RBFOX1: variants seen among roughly 807,000 people sequenced by gnomAD.
RBFOX1 encodes the protein RNA binding fox-1 homolog 1.
RBFOX1 carries 8 observed loss-of-function variants against 57.7 expected under a neutral mutation model. That is an observed-to-expected ratio of 0.14 (90% CI 0.08 to 0.25). RBFOX1 has a LOEUF of 0.25. RBFOX1 is among the 10% of genes least tolerant of loss of function. RBFOX1 has a pLI of 1.00. For synonymous variants in RBFOX1, 326 were observed against 222.4 expected (o/e 1.47, Z -4.15); for missense variants, 611 against 548.5 (o/e 1.11, Z -1.14).
chr16:6,681,592 G>T (rs966548696), intron 3 of RBFOX1, among the ~76,000 whole-genome samples: 1 of 150,482 alleles, frequency 6.6e-6, no homozygotes, highest in Non-Finnish European at 1.5e-5. Flanking sequence ...AATTTGGCCC[G>T]TTAGTTAAAG....
At chr16:6,852,987 TATGG>T (rs2094151246) in intron 3 of RBFOX1, among the ~76,000 whole-genome samples, 1 of 152,174 alleles carries the variant, frequency 6.6e-6, no homozygotes, top group African/African-American at 2.4e-5. Flanking sequence ...CCCAGCACCC[TATGG>T]ATGGACAATC....
chr16:6,484,039 G>A, intron 2 of RBFOX1: 2 of 669,592 alleles, frequency 3.0e-6, no homozygotes, highest in Non-Finnish European at 3.7e-6. Flanking sequence ...AGGGATTGGG[G>A]AGCCCGGAGA....
At chr16:5,310,400 C>CAA (rs200809503) in intron 1 of RBFOX1, among the ~76,000 whole-genome samples, 2 of 143,374 alleles carry the variant, frequency 1.4e-5, no homozygotes, top group African/African-American at 2.5e-5. Flanking sequence ...GACTCTGTCT[C>CAA]AAAAAAAAAA....
chr16:6,079,417 T>C (rs1402660233), intron 1 of RBFOX1, among the ~76,000 whole-genome samples: 2 of 152,226 alleles, frequency 1.3e-5, no homozygotes, highest in Non-Finnish European at 2.9e-5. Flanking sequence ...CCTCAAGTGA[T>C]CTTCCTACTT....
At chr16:6,314,663 G>A (rs1599540614) in intron 1 of RBFOX1, among the ~76,000 whole-genome samples, 2 of 105,358 alleles carry the variant, frequency 1.9e-5, no homozygotes, top group South Asian at 3.6e-4. Flanking sequence ...ACAGGAAAGA[G>A]GGGGTAGGAG....
chr16:6,933,275 C>G (rs2076849116), intron 3 of RBFOX1, among the ~76,000 whole-genome samples: 2 of 152,196 alleles, frequency 1.3e-5, no homozygotes, highest in Admixed American at 6.5e-5. Context: ...ATTGATGAAT[C>G]ATAGAGTAAT....
chr16:6,796,276 C>G (rs570111631), intron 3 of RBFOX1, among the ~76,000 whole-genome samples: 100 of 152,262 alleles, frequency 6.6e-4, no homozygotes, highest in African/African-American at 2.2e-3. Flanking sequence ...TCAGTCAACT[C>G]TCACTGGGTT....
chr16:6,515,624 C>G (rs1345352268), intron 2 of RBFOX1, among the ~76,000 whole-genome samples: 1 of 152,168 alleles, frequency 6.6e-6, no homozygotes, highest in Non-Finnish European at 1.5e-5. Flanking sequence ...CCATTATTCT[C>G]TGTGCTTACA....
chr16:6,523,839 G>A (rs552636640), intron 2 of RBFOX1, among the ~76,000 whole-genome samples: 251 of 152,198 alleles, frequency 1.6e-3, no homozygotes, highest in African/African-American at 2.7e-3. Context: ...TGAAAAAAAT[G>A]TGCCTTGCTA....
intron 3 of RBFOX1, among the ~76,000 whole-genome samples, chr16:5,841,471 T>G (rs1272264392): frequency 6.6e-6 from 1 of 152,152 alleles, no homozygotes; most frequent in African/African-American, 2.4e-5. Context: ...ACCTTGTCCC[T>G]CCCACAAAAA....
At chr16:7,170,895 A>T (rs1817960757) in intron 4 of RBFOX1, among the ~76,000 whole-genome samples, 1 of 152,194 alleles carries the variant, frequency 6.6e-6, no homozygotes, top group African/African-American at 2.4e-5. Flanking sequence ...CAAAACGTCC[A>T]GCTCTGCTCT....
chr16:6,039,645 T>G (rs896868392), intron 1 of RBFOX1, among the ~76,000 whole-genome samples: 1 of 152,234 alleles, frequency 6.6e-6, no homozygotes, highest in African/African-American at 2.4e-5. Context: ...GTTCAGTTAT[T>G]TTGAGGAAAG....
intron 3 of RBFOX1, among the ~76,000 whole-genome samples, chr16:6,848,353 G>T (rs897505513): frequency 6.6e-6 from 1 of 152,110 alleles, no homozygotes; most frequent in Admixed American, 6.5e-5. Flanking sequence ...TTTTTTATGA[G>T]TGAAATTTAT....
At position 6,715,729 on chromosome 16, in the gene RBFOX1, TTTTTATCCAGTGAA is replaced by T. The variant is rs576593047; in HGVS notation, c.-16+61082_-16+61095del. ...TGCCTGGTTTGTTGTTTATGGGTGGTTTTTATCCAGTGAATTGGCAAGAAGTGAATTATGTGGAA... is the reference window on the plus strand; with the variant it reads ...TGCCTGGTTTGTTGTTTATGGGTGGTTTGGCAAGAAGTGAATTATGTGGAA... On this transcript the variant is annotated intron_variant, in intron 3 of 15. Coordinates refer to ENST00000550418, the MANE Select transcript of RBFOX1 (RefSeq NM_018723.4). 9.4e-3 allele frequency among the ~76,000 whole-genome samples: 1,433 copies of T among 152,230 alleles called. 25 individuals are homozygous for T. Among genetic ancestry groups the T allele is most frequent in the African/African-American group, 0.033 (1,359 of 41,552 alleles).
intron 13 of RBFOX1, among the ~76,000 whole-genome samples, chr16:7,676,332 C>G (rs1420455629): frequency 2.6e-5 from 4 of 152,052 alleles, no homozygotes; most frequent in African/African-American, 9.7e-5. Flanking sequence ...ATATAAAAGA[C>G]AGGAAAGCAT....
chr16:6,443,211 G>A (rs1384228734), intron 2 of RBFOX1, among the ~76,000 whole-genome samples: 1 of 152,064 alleles, frequency 6.6e-6, no homozygotes, highest in Non-Finnish European at 1.5e-5. Flanking sequence ...CTGAATCTTG[G>A]CCATCTCAAA....
At chr16:7,346,816 C>G (rs1381069239) in intron 4 of RBFOX1, among the ~76,000 whole-genome samples, 1 of 152,122 alleles carries the variant, frequency 6.6e-6, no homozygotes, top group Non-Finnish European at 1.5e-5. Context: ...TTCTGAATCT[C>G]AAGAAACCAA....
chr16:5,707,709 C>T (rs2051305412), intron 3 of RBFOX1, among the ~76,000 whole-genome samples: 1 of 152,160 alleles, frequency 6.6e-6, no homozygotes, highest in African/African-American at 2.4e-5. Context: ...GGAATAGCCT[C>T]ATCTGTTAAA....
chr16:7,005,646 G>T (rs556306274), intron 3 of RBFOX1, among the ~76,000 whole-genome samples: 1 of 152,204 alleles, frequency 6.6e-6, no homozygotes, highest in Non-Finnish European at 1.5e-5. Context: ...GGTGTTGCCT[G>T]TTGAACACAA....
Sources: allele counts gnomAD v4.1 joint callset (sites outside exome capture counted in the v4.1 genomes callset), GRCh38; gene constraint gnomAD v4.1.1; transcripts MANE v1.5; gene names NCBI Gene and HGNC (gene_info 2026-07-23, HGNC 2026-07-21).